Variants in PCDH7 observed in about 807,000 individuals in gnomAD.
PCDH7 encodes protocadherin-7.
In PCDH7, 17 loss-of-function variants were observed where a neutral mutation model predicts 58.9. The observed-to-expected ratio is 0.29, with a 90% CI of 0.20 to 0.43. The LOEUF is 0.43. PCDH7 is among the 20% of genes least tolerant of loss of function. The pLI, the probability that PCDH7 is intolerant of heterozygous loss-of-function variation, is 1.00. For missense variants in PCDH7, 1,274 were observed against 1,441.0 expected (o/e 0.88, Z 1.88); for synonymous variants, 664 against 616.4 (o/e 1.08, Z -1.14).
chr4:30,991,512 T>C (rs898835550), intron 3 of PCDH7, among the ~76,000 whole-genome samples: 1 of 152,220 alleles, frequency 6.6e-6, no homozygotes, highest in Non-Finnish European at 1.5e-5. Flanking sequence ...ACTGATTTTT[T>C]AATATTTTAT....
chr4:30,994,421 G>A (rs1413589967), intron 3 of PCDH7, among the ~76,000 whole-genome samples: 3 of 151,960 alleles, frequency 2.0e-5, no homozygotes, highest in Non-Finnish European at 4.4e-5. Context: ...AGAAGTAGAT[G>A]AAAAAAAGCA....
At chr4:30,933,421 G>A (rs1744932916) in intron 2 of PCDH7, among the ~76,000 whole-genome samples, 1 of 152,118 alleles carries the variant, frequency 6.6e-6, no homozygotes. Context: ...TTGCTCCCTA[G>A]ATTCAGTGCT....
chr4:31,075,284 A>G (rs1758891901), intron 3 of PCDH7, among the ~76,000 whole-genome samples: 1 of 152,140 alleles, frequency 6.6e-6, no homozygotes, highest in Non-Finnish European at 1.5e-5. Flanking sequence ...GGGATGACAT[A>G]GTGCTGTTTA....
chr4:30,984,681 T>C lies in PCDH7; in HGVS notation c.*7+34466T>C, dbSNP rs546936423. Among the ~76,000 whole-genome samples, 8 of 147,876 alleles carry C rather than the reference T, an allele frequency of 5.4e-5. No individual in the cohort carries two copies. In the South Asian group the frequency reaches 1.7e-3, roughly 31 times the overall value. ...TTTGTGTGTTCTTGTGAGTCACCTCTAAAGGTGGCCAGTTTGCTGCTTCTA... is the reference window on the plus strand; with the variant it reads ...TTTGTGTGTTCTTGTGAGTCACCTCCAAAGGTGGCCAGTTTGCTGCTTCTA... On this transcript the variant is annotated intron_variant, in intron 3 of 3. Coordinates refer to the PCDH7 transcript ENST00000509759.
chr4:30,954,555 A>G (rs374252165), intron 3 of PCDH7, among the ~76,000 whole-genome samples: 2 of 152,284 alleles, frequency 1.3e-5, no homozygotes, highest in African/African-American at 4.8e-5. Context: ...TTCTTAAAAC[A>G]ACAGGGAACA....
At position 30,968,382 on chromosome 4, in the gene PCDH7, A is replaced by AGTGTG. The variant is rs1345049468; in HGVS notation, c.*7+18167_*7+18168insGTGTG. Among the ~76,000 whole-genome samples the AGTGTG allele has an allele frequency of 1.2e-3, 57 of 49,478 alleles. 1 individual carries two copies. Among genetic ancestry groups the AGTGTG allele is most frequent in the African/African-American group, 8.4e-3 (52 of 6,186 alleles). 32.5% of individuals were successfully genotyped at this position (49,478 alleles called of 152,430 possible). A position where few individuals can be genotyped will look rare whatever the true frequency, so the allele number is the denominator to read the frequency against. ...CACTATATATATACACACACTATAT[A>AGTGTG]TATATATATATATATATATATATAT... On this transcript the variant is annotated intron_variant, in intron 3 of 3. Coordinates refer to the PCDH7 transcript ENST00000509759.
At chr4:31,022,349 TA>T (rs1267630390) in intron 3 of PCDH7, among the ~76,000 whole-genome samples, 1 of 152,232 alleles carries the variant, frequency 6.6e-6, no homozygotes, top group East Asian at 1.9e-4. Context: ...GTAATGACTT[TA>T]AAAATTCACA....
intron 1 of PCDH7, among the ~76,000 whole-genome samples, chr4:30,824,054 T>C (rs1452188203): frequency 6.6e-6 from 1 of 152,108 alleles, no homozygotes; most frequent in Non-Finnish European, 1.5e-5. Flanking sequence ...GGCTGTCTGA[T>C]AGTCTGTAAT....
At chr4:31,104,120 CT>C (rs1376540058) in intron 3 of PCDH7, among the ~76,000 whole-genome samples, 1 of 152,190 alleles carries the variant, frequency 6.6e-6, no homozygotes, top group Admixed American at 6.5e-5. Flanking sequence ...TAGCATAATG[CT>C]ACAGAAAGTG....
At chr4:31,079,216 G>A (rs73218820) in intron 3 of PCDH7, among the ~76,000 whole-genome samples, 11,079 of 146,004 alleles carry the variant, frequency 0.076, 554 homozygotes, top group Middle Eastern at 0.14. Flanking sequence ...ATTTGACCTC[G>A]TTAACATTAG....
intron 3 of PCDH7, among the ~76,000 whole-genome samples, chr4:31,124,422 A>G (rs1718050563): frequency 6.6e-6 from 1 of 152,184 alleles, no homozygotes; most frequent in African/African-American, 2.4e-5. Context: ...CCTGAGTGTT[A>G]ACCACCCCGA....
chr4:30,906,536 C>T (rs1358347886), intron 1 of PCDH7, among the ~76,000 whole-genome samples: 1 of 151,950 alleles, frequency 6.6e-6, no homozygotes, highest in Non-Finnish European at 1.5e-5. Context: ...TAAATGCTGC[C>T]TATAAAGGCT....
chr4:30,959,824 C>G (rs891406016), intron 3 of PCDH7, among the ~76,000 whole-genome samples: 1 of 152,010 alleles, frequency 6.6e-6, no homozygotes, highest in African/African-American at 2.4e-5. Flanking sequence ...ATTTATTTGT[C>G]TCTTCCACTT....
chr4:30,972,061 G>A, intron 3 of PCDH7, among the ~76,000 whole-genome samples: 1 of 152,092 alleles, frequency 6.6e-6, no homozygotes, highest in Non-Finnish European at 1.5e-5. Flanking sequence ...TAACATTTAG[G>A]GAGCACCTAA....
At chr4:30,803,502 A>G (rs1725799206) in intron 1 of PCDH7, among the ~76,000 whole-genome samples, 1 of 152,088 alleles carries the variant, frequency 6.6e-6, no homozygotes. Context: ...CAGTGGCATC[A>G]TTATGGCTCA....
At chr4:30,804,335 T>C (rs1163496908) in intron 1 of PCDH7, among the ~76,000 whole-genome samples, 1 of 151,988 alleles carries the variant, frequency 6.6e-6, no homozygotes, top group Non-Finnish European at 1.5e-5. Flanking sequence ...GGTCAGGAGA[T>C]TGAGACCAGC....
At chr4:31,051,777 G>A (rs1237778326) in intron 3 of PCDH7, among the ~76,000 whole-genome samples, 1 of 147,146 alleles carries the variant, frequency 6.8e-6, no homozygotes, top group Admixed American at 6.8e-5. Context: ...ATTACACATT[G>A]TCTTAAGTAG....
chr4:31,015,378 C>T (rs1361755142), intron 3 of PCDH7, among the ~76,000 whole-genome samples: 1 of 152,094 alleles, frequency 6.6e-6, no homozygotes, highest in Non-Finnish European at 1.5e-5. Flanking sequence ...GTGATGATTC[C>T]CAGTGTGTTT....
chr4:31,048,600 G>T (rs138007233), intron 3 of PCDH7, among the ~76,000 whole-genome samples: 1 of 152,058 alleles, frequency 6.6e-6, no homozygotes, highest in African/African-American at 2.4e-5. Flanking sequence ...GAATTTATAT[G>T]GGATGCCCAC....
Sources: allele counts gnomAD v4.1 joint callset (sites outside exome capture counted in the v4.1 genomes callset), GRCh38; gene constraint gnomAD v4.1.1; transcripts MANE v1.5; gene names NCBI Gene and HGNC (gene_info 2026-07-23, HGNC 2026-07-21).